Variants in LRIF1 observed in about 807,000 individuals in gnomAD.
LRIF1 encodes the protein ligand dependent nuclear receptor interacting factor 1.
A neutral mutation model predicts 52.7 loss-of-function variants in LRIF1; 32 were observed. The observed-to-expected ratio is 0.61, with a 90% confidence interval of 0.46 to 0.82. The LOEUF (loss-of-function observed/expected upper bound fraction) is 0.82. LRIF1 is among the 40% of genes least tolerant of loss of function. The pLI is 0.00. For synonymous variants in LRIF1, 323 were observed against 317.4 expected (o/e 1.02, Z -0.19); for missense variants, 887 against 892.0 (o/e 0.99, Z 0.07).
At chr1:110,877,395 A>G in the LRIF1 span, among the ~76,000 whole-genome samples, 1 of 152,322 alleles carries the variant, frequency 6.6e-6, no homozygotes, top group Middle Eastern at 3.4e-3. Context: ...GGGACCCCGT[A>G]TGTAAAGTTC....
At chr1:110,951,221 G>C in intron 2 of LRIF1, 67 bp downstream of exon 2, 2 of 1,286,990 alleles carry the variant, frequency 1.6e-6, no homozygotes, top group South Asian at 2.9e-5. Context: ...AGATAACTTT[G>C]AGAATTAAGA....
At chr1:110,949,010 A>G (rs1658336365) in intron 3 of LRIF1, among the ~76,000 whole-genome samples, 2 of 152,204 alleles carry the variant, frequency 1.3e-5, no homozygotes, top group South Asian at 4.1e-4. Context: ...TTCTTGTAAC[A>G]TAATGGGAAA....
At chr1:110,941,957 C>T in the LRIF1 span, 1 of 152,070 alleles carries the variant, frequency 6.6e-6, no homozygotes, top group Admixed American at 6.5e-5. Context: ...TTCTTTCCTA[C>T]ATGAAGGTAG....
the LRIF1 span, among the ~76,000 whole-genome samples, chr1:110,926,149 C>G: frequency 6.6e-6 from 1 of 151,948 alleles, no homozygotes; most frequent in Non-Finnish European, 1.5e-5. Context: ...GACAACAATT[C>G]TAAAATTTAT....
chr1:110,924,368 G>A, the LRIF1 span, among the ~76,000 whole-genome samples: 3,897 of 152,270 alleles, frequency 0.026, 168 homozygotes, highest in African/African-American at 0.089. Context: ...GTATTAGTCC[G>A]TTTTCATACT....
the LRIF1 span, among the ~76,000 whole-genome samples, chr1:110,877,536 T>A: frequency 6.6e-6 from 1 of 152,182 alleles, no homozygotes; most frequent in African/African-American, 2.4e-5. Flanking sequence ...ACCTCAGCTG[T>A]TATTAGTATC....
the LRIF1 span, among the ~76,000 whole-genome samples, chr1:110,934,401 G>A: frequency 2.0e-5 from 3 of 152,196 alleles, no homozygotes; most frequent in African/African-American, 7.2e-5. Flanking sequence ...TGGGTTCCCC[G>A]ATTCCAGGAT....
the LRIF1 span, among the ~76,000 whole-genome samples, chr1:110,878,257 T>C: frequency 1.3e-5 from 2 of 152,224 alleles, no homozygotes; most frequent in Admixed American, 1.3e-4. Context: ...GGCCTACATT[T>C]GGGAGCCCTC....
At position 110,950,658 on chromosome 1, in the gene LRIF1, G is replaced by T. The variant is rs143298426; in HGVS notation, c.1597-535C>A. ...TTAAGTCGAACATAAAGGTAACTAT[G>T]TGGGCATGTTGGGTAACTGGCTGAG... is the stretch of plus-strand genomic sequence containing the variant. On this transcript the variant is annotated intron_variant, in intron 2 of 3. Transcript: ENST00000369763. Among the ~76,000 whole-genome samples, 14 of 152,084 alleles carry T rather than the reference G, an allele frequency of 9.2e-5. No individual in the cohort carries two copies. The East Asian group carries it at 1.5e-3, about 17-fold the overall frequency.
At chr1:110,927,498 G>A in the LRIF1 span, among the ~76,000 whole-genome samples, 2 of 152,268 alleles carry the variant, frequency 1.3e-5, no homozygotes, top group Non-Finnish European at 2.9e-5. Flanking sequence ...TGACATTAAT[G>A]GTATGGGTGG....
At chr1:110,937,116 T>TA in the LRIF1 span, 2 of 152,084 alleles carry the variant, frequency 1.3e-5, no homozygotes, top group African/African-American at 4.8e-5. Flanking sequence ...GGATAGACCC[T>TA]AATACAATAA....
the LRIF1 span, chr1:110,894,858 A>C: frequency 3.6e-6 from 3 of 832,882 alleles, no homozygotes. Flanking sequence ...ACCATTTGGA[A>C]GGGAAGCGCA....
Position 110,952,624 on chromosome 1 carries a change from G to C in LRIF1, c.260C>G (p.Ser87Cys). 1 of 1,614,120 alleles carries C rather than the reference G, an allele frequency of 6.2e-7. No homozygotes were observed. Among genetic ancestry groups the C allele is most frequent in the South Asian group, 1.1e-5 (1 of 91,068 alleles). Residue 87 changes from serine (S) to cysteine (C), a missense_variant, in exon 2 of 4, where the codon TCT (serine) becomes TGT (cysteine). Ser to Cys is a moderately radical substitution (Grantham distance 112). Transcript: ENST00000369763. ...QVTFQTQISS[S>C]STSASVQLPI... is the part of the protein sequence containing the mutation. ...CAATTGAACTGATGCACTTGTGGAA[G>C]AGCTGGAAATCTGAGTCTGAAAAGT...
chr1:110,904,766 G>A, the LRIF1 span, among the ~76,000 whole-genome samples: 1 of 152,040 alleles, frequency 6.6e-6, no homozygotes, highest in African/African-American at 2.4e-5. Flanking sequence ...CACCATCCAG[G>A]AAAACATGAC....
chr1:110,888,623 AT>A, the LRIF1 span, among the ~76,000 whole-genome samples: 1 of 152,226 alleles, frequency 6.6e-6, no homozygotes, highest in Admixed American at 6.5e-5. Context: ...ATGATTTTAT[AT>A]TTTTACGTTA....
intron 3 of LRIF1, 100 bp from the exon 4 acceptor site, chr1:110,948,499 G>A: frequency 6.9e-7 from 1 of 1,447,396 alleles, no homozygotes; most frequent in Non-Finnish European, 9.1e-7. Context: ...CAAATATCTA[G>A]CTATTACAAT....
chr1:110,894,082 T>C, the LRIF1 span, among the ~76,000 whole-genome samples: 1 of 152,246 alleles, frequency 6.6e-6, no homozygotes, highest in Non-Finnish European at 1.5e-5. Context: ...GTATTATGCA[T>C]GTAGTGCTCT....
chr1:110,963,877 G>A lies in LRIF1; in HGVS notation c.-189C>T. ...GGTGTATCCCCAGGCTTCGGGACGA[G>A]GTCGCGCACCGCGCAGAAACCGGAA... On this transcript the variant is annotated 5_prime_UTR_variant, in exon 1 of 4. Transcript: ENST00000369763. 2 of 461,394 alleles carry A rather than the reference G, an allele frequency of 4.3e-6. No homozygotes were observed. The highest frequency in any genetic ancestry group is 1.2e-3 in the Middle Eastern group (2 of 1,654). The allele number at this position is 461,394 out of a possible 1,614,324, so 28.6% of individuals were successfully genotyped here.
In LRIF1 at chr1:110,963,854, TG is replaced by T. The variant is rs1166650991; in HGVS notation, c.-167del. ...GGGCGACAGCGGGCTCTCGAGAGGG[TG>T]TATCCCCAGGCTTCGGGACGAGGTC... is the stretch of plus-strand genomic sequence containing the variant. On this transcript the variant is annotated 5_prime_UTR_variant, in exon 1 of 4. Coordinates refer to ENST00000369763, the MANE Select transcript of LRIF1 (RefSeq NM_018372.4). The T allele has an allele frequency of 9.5e-6, 5 of 526,120 alleles. No individual in the cohort carries two copies. The highest frequency in any genetic ancestry group is 6.0e-5 in the Admixed American group (2 of 33,230). The allele number at this position is 526,120 out of a possible 1,614,324, so 32.6% of individuals were successfully genotyped here.
Sources: allele counts gnomAD v4.1 joint callset (sites outside exome capture counted in the v4.1 genomes callset), GRCh38; gene constraint gnomAD v4.1.1; transcripts MANE v1.5; gene names NCBI Gene and HGNC (gene_info 2026-07-23, HGNC 2026-07-21).